The following ZMYM2 variants were observed in gnomAD, a reference collection of about 807,000 sequenced individuals.
The protein encoded by ZMYM2 is zinc finger MYM-type containing 2.
Under a neutral mutation model 162.8 loss-of-function variants are expected in ZMYM2, and 56 were observed. The ratio of observed to expected loss-of-function variants is 0.34; its 90% CI spans 0.28 to 0.43. ZMYM2 has a LOEUF of 0.43. Among genes scored for constraint, ZMYM2 ranks in the 20% least tolerant of loss-of-function variants. The pLI is 1.00. For synonymous variants in ZMYM2, 510 were observed against 541.6 expected (o/e 0.94, Z 0.81); for missense variants, 1,275 against 1,621.8 (o/e 0.79, Z 3.67).
the ZMYM2 span, among the ~76,000 whole-genome samples, chr13:19,906,003 G>A: frequency 8.1e-4 from 123 of 151,904 alleles, no homozygotes; most frequent in South Asian, 0.019. Context: ...TGGGCCGGGC[G>A]TGGTGGTGAC....
chr13:19,891,764 A>C, the ZMYM2 span, among the ~76,000 whole-genome samples: 1 of 151,984 alleles, frequency 6.6e-6, no homozygotes, highest in South Asian at 2.1e-4. Context: ...GCAACAGCTC[A>C]AGATCCTCCC....
At chr13:19,886,003 A>G in the ZMYM2 span, among the ~76,000 whole-genome samples, 5 of 143,494 alleles carry the variant, frequency 3.5e-5, no homozygotes, top group Admixed American at 6.9e-5. Context: ...ATATATGTGT[A>G]TATATATAGT....
chr13:19,883,944 AC>A, the ZMYM2 span, among the ~76,000 whole-genome samples: 1 of 152,188 alleles, frequency 6.6e-6, no homozygotes, highest in Non-Finnish European at 1.5e-5. Context: ...TTTAGTACAG[AC>A]GGGGTTTCAC....
chr13:19,886,461 C>A, the ZMYM2 span, among the ~76,000 whole-genome samples: 1 of 151,698 alleles, frequency 6.6e-6, no homozygotes, highest in African/African-American at 2.4e-5. Context: ...CTGCGCCCAG[C>A]GAAAACGATT....
Position 20,067,460 on chromosome 13 carries a change from A to G in ZMYM2, c.3453+70A>G, listed in dbSNP as rs1016678451. 25 of 1,436,700 alleles carry G rather than the reference A, an allele frequency of 1.7e-5. No homozygotes were observed. The Middle Eastern group carries it at 7.3e-4, about 42-fold the overall frequency. 89.0% of individuals were successfully genotyped at this position (1,436,700 alleles called of 1,614,324 possible). ...AAGTTGTGGTAGTTCTTGTTTCTGTAGCATTATGGAACCTTTATTGACTTA... is the reference window on the plus strand; with the variant it reads ...AAGTTGTGGTAGTTCTTGTTTCTGTGGCATTATGGAACCTTTATTGACTTA... On this transcript the variant is annotated intron_variant, in intron 21 of 24. Coordinates refer to ENST00000610343, the MANE Select transcript of ZMYM2 (RefSeq NM_197968.4).
the ZMYM2 span, among the ~76,000 whole-genome samples, chr13:19,903,080 C>T: frequency 3.9e-5 from 6 of 152,136 alleles, no homozygotes; most frequent in East Asian, 9.7e-4. Flanking sequence ...TGATTGAACC[C>T]AGGAGGTGGA....
intron 14 of ZMYM2, among the ~76,000 whole-genome samples, chr13:20,055,819 T>C (rs1955751694): frequency 6.6e-6 from 1 of 152,080 alleles, no homozygotes; most frequent in African/African-American, 2.4e-5. Flanking sequence ...TAAAGCATAC[T>C]GAACAGCTTT....
the ZMYM2 span, among the ~76,000 whole-genome samples, chr13:19,900,127 C>T: frequency 3.9e-5 from 6 of 151,972 alleles, no homozygotes; most frequent in African/African-American, 1.4e-4. Flanking sequence ...ATGGCGAAAC[C>T]CCATCTCTAC....
At chr13:20,020,830 C>T (rs1952018422) in intron 7 of ZMYM2, among the ~76,000 whole-genome samples, 1 of 151,834 alleles carries the variant, frequency 6.6e-6, no homozygotes, top group Admixed American at 6.6e-5. Context: ...CATATTTTTT[C>T]AGATGTTATG....
At chr13:19,989,466 G>A (rs1328858646) in intron 2 of ZMYM2, among the ~76,000 whole-genome samples, 2 of 152,034 alleles carry the variant, frequency 1.3e-5, no homozygotes, top group Non-Finnish European at 2.9e-5. Context: ...ACCATGCCCA[G>A]CTAATTTTTG....
upstream of ZMYM2, among the ~76,000 whole-genome samples, chr13:19,956,635 G>A (rs972284480): frequency 1.3e-5 from 2 of 152,130 alleles, no homozygotes; most frequent in Non-Finnish European, 2.9e-5. Context: ...ACTATAATTA[G>A]CACAGTTGCT....
At chr13:19,909,203 TG>T in the ZMYM2 span, among the ~76,000 whole-genome samples, 1 of 152,188 alleles carries the variant, frequency 6.6e-6, no homozygotes. Context: ...ACTCTATCCT[TG>T]TTTTATATGC....
At position 20,088,606 on chromosome 13, in the gene ZMYM2, C is replaced by G. The variant is rs967896250; in HGVS notation, c.*2592C>G. On this transcript the variant is annotated 3_prime_UTR_variant, in exon 25 of 25. Transcript: ENST00000610343. ...GTAACATAGATATTAAAGGATTTTTCTAGGCAAGAAGCTCAACTTTTTTTT... is the reference window on the plus strand; with the variant it reads ...GTAACATAGATATTAAAGGATTTTTGTAGGCAAGAAGCTCAACTTTTTTTT... 3.1e-5 allele frequency: 6 copies of G among 194,648 alleles called. No individual in the cohort carries two copies. The highest frequency in any genetic ancestry group is 6.1e-5 in the Admixed American group (1 of 16,428). 12.1% of individuals were successfully genotyped at this position (194,648 alleles called of 1,614,324 possible). A position where few individuals can be genotyped will look rare whatever the true frequency, so the allele number is the denominator to read the frequency against.
rs1953474223 is a variant in ZMYM2, at chr13:20,034,262, G to A, written c.1977G>A (p.Val659=). ...KPEILEWENK[V]HQFCSKTCSD... Reference sequence around the variant, plus strand: ...TCCCATTGTGCATTTAGAACAAAGTGCATCAGTTCTGCAGCAAAACTTGTT... The same window carrying A: ...TCCCATTGTGCATTTAGAACAAAGTACATCAGTTCTGCAGCAAAACTTGTT... The change falls in exon 11 of 25, where the codon GTG becomes GTA. Residue 659 remains valine, a synonymous_variant. Coordinates refer to ENST00000610343, the MANE Select transcript of ZMYM2 (RefSeq NM_197968.4). 2 of 1,589,348 alleles carry A rather than the reference G, an allele frequency of 1.3e-6. No individual in the cohort carries two copies. The highest frequency in any genetic ancestry group is 1.8e-5 in the Admixed American group (1 of 55,718).
At chr13:19,979,126 T>C (rs1366864395) in intron 2 of ZMYM2, among the ~76,000 whole-genome samples, 2 of 152,208 alleles carry the variant, frequency 1.3e-5, no homozygotes, top group African/African-American at 2.4e-5. Flanking sequence ...AATGATAATC[T>C]AAATAATCTA....
upstream of ZMYM2, among the ~76,000 whole-genome samples, chr13:19,957,793 G>C (rs1486702826): frequency 6.6e-6 from 1 of 152,214 alleles, no homozygotes; most frequent in Non-Finnish European, 1.5e-5. Flanking sequence ...CCCTCCAACC[G>C]GTGGGAGCCC....
chr13:20,009,346 A>G (rs985678950), intron 6 of ZMYM2, among the ~76,000 whole-genome samples: 1 of 152,216 alleles, frequency 6.6e-6, no homozygotes, highest in African/African-American at 2.4e-5. Flanking sequence ...TCTCAGTGCT[A>G]TTTAAACAAT....
intron 9 of ZMYM2, among the ~76,000 whole-genome samples, chr13:20,027,579 G>T (rs1952698432): frequency 6.6e-6 from 1 of 152,088 alleles, no homozygotes; most frequent in Non-Finnish European, 1.5e-5. Context: ...GTGCTGATGT[G>T]TAGTTTTTTC....
chr13:19,989,357 G>A (rs1375441830), intron 2 of ZMYM2, among the ~76,000 whole-genome samples: 1 of 152,172 alleles, frequency 6.6e-6, no homozygotes, highest in Non-Finnish European at 1.5e-5. Flanking sequence ...AGGCTGGAGT[G>A]CAGTGGTGCA....
Sources: gnomAD v4.1 joint callset for allele counts (sites outside exome capture counted in the v4.1 genomes callset) on GRCh38, gnomAD v4.1.1 for gene constraint, MANE v1.5 for transcripts, NCBI Gene and HGNC (gene_info 2026-07-23, HGNC 2026-07-21) for gene names.